LDB2: variants seen among roughly 807,000 people sequenced by gnomAD.
LDB2 encodes LIM domain binding 2, also known as LIM domain-binding protein 2.
A neutral mutation model predicts 44.3 loss-of-function variants in LDB2; 12 were observed. That is an observed-to-expected ratio of 0.27 (90% CI 0.17 to 0.44). LDB2 has a LOEUF of 0.44. Ranked by LOEUF, LDB2 falls within the 20% of genes least tolerant of loss-of-function variation. LDB2 has a pLI of 1.00. For synonymous variants in LDB2, 164 were observed against 174.8 expected (o/e 0.94, Z 0.49); for missense variants, 344 against 473.5 (o/e 0.73, Z 2.54).
At chr4:16,619,458 A>G (rs1170390742) in intron 2 of LDB2, among the ~76,000 whole-genome samples, 1 of 152,192 alleles carries the variant, frequency 6.6e-6, no homozygotes, top group Non-Finnish European at 1.5e-5. Context: ...TTTCTTTTCT[A>G]ACATTCCCAA....
chr4:16,641,849 GGC>G (rs1416459152), intron 2 of LDB2, among the ~76,000 whole-genome samples: 2 of 152,136 alleles, frequency 1.3e-5, no homozygotes, highest in Non-Finnish European at 2.9e-5. Context: ...TTGAAAACAA[GGC>G]AGAGAGCTGG....
rs954078934 is a variant in LDB2, at chr4:16,585,115, G to A, written c.615+807C>T. Among the ~76,000 whole-genome samples, 13 of 152,232 alleles carry A rather than the reference G, an allele frequency of 8.5e-5. No homozygotes were observed. In the South Asian group the frequency reaches 1.0e-3, roughly 12 times the overall value. ...AGAGAACAACTTCATAGACCATCAC[G>A]CCCCAGGCCACCCACCCGCACTATG... On this transcript the variant is annotated intron_variant, in intron 5 of 7. Transcript: ENST00000304523.
chr4:16,563,258 T>C (rs1743102637), intron 5 of LDB2, among the ~76,000 whole-genome samples: 1 of 151,458 alleles, frequency 6.6e-6, no homozygotes, highest in Non-Finnish European at 1.5e-5. Flanking sequence ...AAAAGGAAGC[T>C]AGATCTCCCT....
intron 2 of LDB2, among the ~76,000 whole-genome samples, chr4:16,596,365 C>T (rs2152440797): frequency 6.6e-6 from 1 of 152,148 alleles, no homozygotes; most frequent in Non-Finnish European, 1.5e-5. Flanking sequence ...TTGGTATTCT[C>T]TCACTGTATC....
intron 2 of LDB2, among the ~76,000 whole-genome samples, chr4:16,695,033 T>C (rs1751768420): frequency 6.6e-6 from 1 of 152,198 alleles, no homozygotes; most frequent in South Asian, 2.1e-4. Context: ...GCCTATTGTT[T>C]CGTTAGTTAG....
At chr4:16,836,043 T>C (rs1353824599) in intron 1 of LDB2, among the ~76,000 whole-genome samples, 2 of 152,224 alleles carry the variant, frequency 1.3e-5, no homozygotes, top group Admixed American at 6.5e-5. Flanking sequence ...AGCAACACAA[T>C]AGAAATGCAC....
chr4:16,753,039 A>ATT (rs1765788354), intron 2 of LDB2, among the ~76,000 whole-genome samples: 1 of 152,228 alleles, frequency 6.6e-6, no homozygotes, highest in Non-Finnish European at 1.5e-5. Flanking sequence ...GGTGGACACC[A>ATT]CAAAGGCATT....
At chr4:16,730,689 G>A (rs1485448086) in intron 2 of LDB2, among the ~76,000 whole-genome samples, 1 of 152,094 alleles carries the variant, frequency 6.6e-6, no homozygotes, top group African/African-American at 2.4e-5. Flanking sequence ...ACGGAATCAG[G>A]TCATAAGCTC....
chr4:16,631,691 A>C (rs962737009), intron 2 of LDB2, among the ~76,000 whole-genome samples: 9 of 152,202 alleles, frequency 5.9e-5, no homozygotes, highest in Admixed American at 1.3e-4. Flanking sequence ...ACTGCTAGCA[A>C]GACTGATAAA....
rs530746592 is a variant in LDB2 at position 16,898,551 on chromosome 4, T to C, written c.-66A>G. 1 of 1,558,188 alleles carries C rather than the reference T, an allele frequency of 6.4e-7. No individual in the cohort carries two copies. The highest frequency in any genetic ancestry group is 8.8e-7 in the Non-Finnish European group (1 of 1,137,004). On this transcript the variant is annotated 5_prime_UTR_variant, in exon 1 of 8. Transcript: ENST00000304523. ...TAACGTCCATGCAGAGCACATGGGC[T>C]GTGTTCTTCCCAGTACAAAGTAGAC...
chr4:16,508,623 G>A lies in LDB2; in HGVS notation c.803C>T (p.Ser268Phe). The A allele has an allele frequency of 6.2e-7, 1 of 1,613,792 alleles. No homozygotes were observed. The highest frequency in any genetic ancestry group is 2.2e-5 in the East Asian group (1 of 44,852). ...RKRKNSTSST[S>F]NSSAGNNANS... ...TGCATTGTTCCCAGCGCTGCTGTTG[G>A]AAGTGCTGCTGGTGGAATTTTTCCT... Residue 268 changes from serine (S) to phenylalanine (F), a missense_variant, in exon 7 of 8, where the codon TCC (serine) becomes TTC (phenylalanine). Transcript: ENST00000304523.
intron 1 of LDB2, among the ~76,000 whole-genome samples, chr4:16,841,446 A>G (rs1318487252): frequency 6.6e-6 from 1 of 152,226 alleles, no homozygotes; most frequent in Non-Finnish European, 1.5e-5. Flanking sequence ...GAATGGCATT[A>G]TATATTATAT....
intron 2 of LDB2, among the ~76,000 whole-genome samples, chr4:16,671,820 T>C (rs183423054): frequency 6.6e-6 from 1 of 151,880 alleles, no homozygotes; most frequent in East Asian, 1.9e-4. Context: ...GCTGGGTGAC[T>C]GGGACTGTAA....
intron 2 of LDB2, among the ~76,000 whole-genome samples, chr4:16,619,799 T>TTG (rs944376620): frequency 6.6e-6 from 1 of 151,772 alleles, no homozygotes; most frequent in Non-Finnish European, 1.5e-5. Context: ...TATCTCTGTT[T>TTG]TTTTTTTTTT....
chr4:16,891,450 C>T (rs1323608016), intron 1 of LDB2, among the ~76,000 whole-genome samples: 1 of 151,406 alleles, frequency 6.6e-6, no homozygotes, highest in African/African-American at 2.4e-5. Context: ...GTAGCTGAGA[C>T]TACAGGCGTG....
At chr4:16,590,561 G>GCAA (rs1246742232) in intron 3 of LDB2, among the ~76,000 whole-genome samples, 9 of 152,192 alleles carry the variant, frequency 5.9e-5, no homozygotes, top group African/African-American at 2.2e-4. Context: ...AAGGTAACAT[G>GCAA]TTCTTTAAGC....
chr4:16,749,078 C>T (rs1764930384), intron 2 of LDB2, among the ~76,000 whole-genome samples: 1 of 152,120 alleles, frequency 6.6e-6, no homozygotes, highest in Non-Finnish European at 1.5e-5. Flanking sequence ...CAGTAAGATG[C>T]ATTCAATAAG....
intron 1 of LDB2, among the ~76,000 whole-genome samples, chr4:16,820,552 G>A (rs1781755073): frequency 6.6e-6 from 1 of 152,210 alleles, no homozygotes; most frequent in Admixed American, 6.5e-5. Flanking sequence ...TGAATGGCAG[G>A]AAGGAGTCAG....
At chr4:16,830,301 G>A (rs1308381786) in intron 1 of LDB2, among the ~76,000 whole-genome samples, 3 of 152,088 alleles carry the variant, frequency 2.0e-5, no homozygotes, top group African/African-American at 7.2e-5. Flanking sequence ...TGAGTTCTCA[G>A]GAAATCGGAT....
Sources: gnomAD v4.1 joint callset for allele counts (sites outside exome capture counted in the v4.1 genomes callset) on GRCh38, gnomAD v4.1.1 for gene constraint, MANE v1.5 for transcripts, NCBI Gene and HGNC (gene_info 2026-07-23, HGNC 2026-07-21) for gene names.